Variants in TP53INP1 observed in about 807,000 individuals in gnomAD.
The protein encoded by TP53INP1 is tumor protein p53 inducible nuclear protein 1.
Under a neutral mutation model 21.0 loss-of-function variants are expected in TP53INP1, and 12 were observed. The observed-to-expected ratio is 0.57, with a 90% CI of 0.37 to 0.93. The LOEUF is 0.93. Among genes scored for constraint, TP53INP1 ranks in the 40% least tolerant of loss-of-function variants. The pLI is 0.01. For synonymous variants in TP53INP1, 91 were observed against 94.8 expected (o/e 0.96, Z 0.23); for missense variants, 274 against 294.7 (o/e 0.93, Z 0.51).
intron 3 of TP53INP1, among the ~76,000 whole-genome samples, chr8:94,935,572 AG>A (rs1820900304): frequency 6.6e-6 from 1 of 152,220 alleles, no homozygotes. Flanking sequence ...CAAATGGGCA[AG>A]GATCTATTTC....
intron 1 of TP53INP1, among the ~76,000 whole-genome samples, chr8:94,948,282 C>T (rs1207596084): frequency 6.6e-6 from 1 of 152,208 alleles, no homozygotes; most frequent in Non-Finnish European, 1.5e-5. Context: ...AACTTAATCT[C>T]TCTGTGCCTC....
chr8:94,943,265 G>T (rs1821713081), intron 1 of TP53INP1, among the ~76,000 whole-genome samples: 1 of 152,130 alleles, frequency 6.6e-6, no homozygotes, highest in Admixed American at 6.5e-5. Flanking sequence ...GAGGCCACAG[G>T]AATGCTTGAG....
At chr8:94,934,327 A>T (rs997123309) in intron 3 of TP53INP1, among the ~76,000 whole-genome samples, 13 of 152,242 alleles carry the variant, frequency 8.5e-5, no homozygotes, top group African/African-American at 3.1e-4. Flanking sequence ...ACACACACAC[A>T]ACACTGCAAA....
rs1222409142 is a variant in TP53INP1, at chr8:94,929,896, T to C, written c.*583A>G. ...GTACCTGAATTCCAAATGAACTGTA[T>C]GACTAATCTGGGGAAAAACCATACA... On this transcript the variant is annotated 3_prime_UTR_variant, in exon 4 of 4. Coordinates refer to ENST00000342697, the MANE Select transcript of TP53INP1 (RefSeq NM_033285.4). 6.5e-6 allele frequency: 1 copy of C among 153,006 alleles called. No individual in the cohort carries two copies. The highest frequency in any genetic ancestry group is 1.9e-4 in the East Asian group (1 of 5,198). 9.5% of individuals were successfully genotyped at this position (153,006 alleles called of 1,614,324 possible).
chr8:94,930,949 C>T (rs1028893253), intron 3 of TP53INP1, among the ~76,000 whole-genome samples: 14 of 152,182 alleles, frequency 9.2e-5, no homozygotes, highest in Non-Finnish European at 1.6e-4. Flanking sequence ...ATATAAGCCC[C>T]AGATGGCTCA....
chr8:94,927,994 G>C lies in TP53INP1; in HGVS notation c.*2485C>G, dbSNP rs184020969. 1.3e-3 allele frequency: 203 copies of C among 152,272 alleles called. No individual in the cohort carries two copies. Among genetic ancestry groups the C allele is most frequent in the African/African-American group, 4.7e-3 (195 of 41,514 alleles). 9.4% of individuals were successfully genotyped at this position (152,272 alleles called of 1,614,324 possible). A position where few individuals can be genotyped will look rare whatever the true frequency, so the allele number is the denominator to read the frequency against. Reference sequence around the variant, plus strand: ...TCAACATCGTTCTGTGTTGTGGTTGGCCTTGTGTCTTACATACAGGAGATG... The same window carrying C: ...TCAACATCGTTCTGTGTTGTGGTTGCCCTTGTGTCTTACATACAGGAGATG... On this transcript the variant is annotated 3_prime_UTR_variant, in exon 4 of 4. Coordinates refer to ENST00000342697, the MANE Select transcript of TP53INP1 (RefSeq NM_033285.4).
At chr8:94,947,507 G>C (rs1348544152) in intron 1 of TP53INP1, among the ~76,000 whole-genome samples, 1 of 152,142 alleles carries the variant, frequency 6.6e-6, no homozygotes, top group South Asian at 2.1e-4. Context: ...ACCAAGCCAA[G>C]AAAGTTATCT....
intron 3 of TP53INP1, among the ~76,000 whole-genome samples, chr8:94,933,638 G>A (rs1329771684): frequency 2.0e-5 from 3 of 152,052 alleles, no homozygotes; most frequent in Admixed American, 2.0e-4. Flanking sequence ...GGTAGTGCAC[G>A]CCTGTAGTCC....
At chr8:94,947,534 T>C (rs143030914) in intron 1 of TP53INP1, among the ~76,000 whole-genome samples, 4 of 152,280 alleles carry the variant, frequency 2.6e-5, no homozygotes, top group Admixed American at 2.6e-4. Flanking sequence ...GTTCCACTTA[T>C]ATGAAGACTA....
intron 1 of TP53INP1, among the ~76,000 whole-genome samples, chr8:94,947,694 T>TGAAAGACAGTGGA (rs745927075): frequency 1.8e-4 from 27 of 152,222 alleles, no homozygotes; most frequent in Non-Finnish European, 3.4e-4. Context: ...CCCCTAAGGC[T>TGAAAGACAGTGGA]GAAAGACAGT....
chr8:94,933,250 C>A (rs76759623), intron 3 of TP53INP1, among the ~76,000 whole-genome samples: 1 of 152,038 alleles, frequency 6.6e-6, no homozygotes, highest in Non-Finnish European at 1.5e-5. Flanking sequence ...TTCCTTTGAC[C>A]CTTTATATAT....
intron 2 of TP53INP1, 59 bp downstream of exon 2, chr8:94,940,771 G>T: frequency 7.7e-7 from 1 of 1,298,530 alleles, no homozygotes; most frequent in Non-Finnish European, 1.1e-6. Context: ...CAAAAACTGA[G>T]ATGCAAGTTT....
chr8:94,935,999 G>A (rs1820939108), intron 3 of TP53INP1, among the ~76,000 whole-genome samples: 1 of 152,154 alleles, frequency 6.6e-6, no homozygotes, highest in Non-Finnish European at 1.5e-5. Context: ...AGCTGGAGTG[G>A]TGGTAGGGAC....
chr8:94,938,156 T>C (rs1821173906), intron 3 of TP53INP1, among the ~76,000 whole-genome samples: 1 of 152,208 alleles, frequency 6.6e-6, no homozygotes, highest in South Asian at 2.1e-4. Context: ...AAGCTACGTG[T>C]TTGCTAAAAC....
At position 94,940,008 on chromosome 8, in the gene TP53INP1, A is replaced by G; in HGVS notation, c.325T>C (p.Leu109=). 1 of 1,614,170 alleles carries G rather than the reference A, an allele frequency of 6.2e-7. No individual in the cohort carries two copies. The highest frequency in any genetic ancestry group is 8.5e-7 in the Non-Finnish European group (1 of 1,180,030). ...TPPPCFTAGG[L]TTIKVETSPM... is the part of the protein sequence containing the mutation. ...CTTGTTTCCACCTTGATAGTGGTTA[A>G]TCCACCTGCAGTAAAACATGGGGGT... The change falls in exon 3 of 4, where the codon TTA becomes CTA. Residue 109 remains leucine, a synonymous_variant. Transcript: ENST00000342697.
At chr8:94,946,710 A>AAAAAAAAAAAAAAAAAC in intron 1 of TP53INP1, among the ~76,000 whole-genome samples, 1 of 147,938 alleles carries the variant, frequency 6.8e-6, no homozygotes, top group African/African-American at 2.5e-5. Flanking sequence ...AAAAAAAAAA[A>AAAAAAAAAAAAAAAAAC]AAAAAAAAAA....
At position 94,930,341 on chromosome 8, in the gene TP53INP1, A is replaced by C. The variant is rs1370052714; in HGVS notation, c.*138T>G. 1.7e-6 allele frequency: 2 copies of C among 1,212,090 alleles called. No individual in the cohort carries two copies. The highest frequency in any genetic ancestry group is 1.5e-5 in the South Asian group (1 of 65,640). 75.1% of individuals were successfully genotyped at this position (1,212,090 alleles called of 1,614,324 possible). On this transcript the variant is annotated 3_prime_UTR_variant, in exon 4 of 4. Coordinates refer to ENST00000342697, the MANE Select transcript of TP53INP1 (RefSeq NM_033285.4). ...AGCATATAAATCTGATTTTCAAGAT[A>C]GTGTCTAAATACACTGATAAAACTA...
At position 94,929,196 on chromosome 8, in the gene TP53INP1, G is replaced by A. The variant is rs1820158404; in HGVS notation, c.*1283C>T. On this transcript the variant is annotated 3_prime_UTR_variant, in exon 4 of 4. Coordinates refer to ENST00000342697, the MANE Select transcript of TP53INP1 (RefSeq NM_033285.4). ...CGGCCCCACCCCATCACCAGATTCAGTAGAAAGGCCCTTGGAATTTCCTAC... is the reference window on the plus strand; with the variant it reads ...CGGCCCCACCCCATCACCAGATTCAATAGAAAGGCCCTTGGAATTTCCTAC... 6.6e-6 allele frequency: 1 copy of A among 152,502 alleles called. No individual in the cohort carries two copies. The highest frequency in any genetic ancestry group is 1.5e-5 in the Non-Finnish European group (1 of 68,142). The allele number at this position is 152,502 out of a possible 1,614,324, so 9.4% of individuals were successfully genotyped here. A position where few individuals can be genotyped will look rare whatever the true frequency, so the allele number is the denominator to read the frequency against.
At chr8:94,932,248 A>G in intron 3 of TP53INP1, 1 of 822,110 alleles carries the variant, frequency 1.2e-6, no homozygotes, top group Non-Finnish European at 1.9e-6. Context: ...GCTTAAGATA[A>G]CATGTAAAAC....
Sources: allele counts gnomAD v4.1 joint callset (sites outside exome capture counted in the v4.1 genomes callset), GRCh38; gene constraint gnomAD v4.1.1; transcripts MANE v1.5; gene names NCBI Gene and HGNC (gene_info 2026-07-23, HGNC 2026-07-21).